Variants in DCLK1 observed in about 807,000 individuals in gnomAD.
The protein encoded by DCLK1 is doublecortin like kinase 1, also known as serine/threonine-protein kinase DCLK1.
DCLK1 carries 16 observed loss-of-function variants against 86.2 expected under a neutral mutation model. That is an observed-to-expected ratio of 0.19 (90% CI 0.13 to 0.28). The LOEUF is 0.28. Ranked by LOEUF, DCLK1 falls within the 10% of genes least tolerant of loss-of-function variation. The probability of loss-of-function intolerance (pLI) is 1.00; values close to 1 mark genes in which losing one functional copy is unlikely to be tolerated. For synonymous variants in DCLK1, 369 were observed against 370.5 expected (o/e 1.00, Z 0.05); for missense variants, 590 against 940.2 (o/e 0.63, Z 4.87).
intron 4 of DCLK1, among the ~76,000 whole-genome samples, chr13:35,917,271 G>A (rs1406103837): frequency 1.3e-5 from 2 of 152,148 alleles, no homozygotes; most frequent in Non-Finnish European, 2.9e-5. Context: ...CTTGTTATAG[G>A]GGCCTCAGCC....
intron 4 of DCLK1, among the ~76,000 whole-genome samples, chr13:35,897,190 A>C (rs914888154): frequency 1.3e-5 from 2 of 152,178 alleles, no homozygotes; most frequent in Admixed American, 1.3e-4. Context: ...AAGGGTGGTA[A>C]GGAGGCTCCT....
intron 4 of DCLK1, among the ~76,000 whole-genome samples, chr13:35,881,081 G>A (rs1212079439): frequency 6.6e-6 from 1 of 152,112 alleles, no homozygotes; most frequent in East Asian, 1.9e-4. Context: ...TCTGGCTCAC[G>A]ACCTGCAGCA....
intron 4 of DCLK1, among the ~76,000 whole-genome samples, chr13:35,940,977 C>T (rs79214738): frequency 0.013 from 1,920 of 152,164 alleles, 24 homozygotes; most frequent in Non-Finnish European, 0.019. Flanking sequence ...AACACAGTTT[C>T]GAATGTGCTT....
At chr13:35,816,451 C>T (rs145345461) in intron 11 of DCLK1, among the ~76,000 whole-genome samples, 2,772 of 152,198 alleles carry the variant, frequency 0.018, 38 homozygotes, top group Non-Finnish European at 0.026. Flanking sequence ...CCATATGGCA[C>T]CATATTAGTA....
intron 3 of DCLK1, among the ~76,000 whole-genome samples, chr13:36,068,408 A>C (rs1372714853): frequency 1.3e-5 from 2 of 152,220 alleles, no homozygotes; most frequent in Non-Finnish European, 2.9e-5. Flanking sequence ...TATTCAGTGA[A>C]TATAATCCTC....
rs551860497 is a variant in DCLK1 at position 35,947,161 on chromosome 13, C to T, written c.823+197G>A. 2.6e-5 allele frequency among the ~76,000 whole-genome samples: 4 copies of T among 152,142 alleles called. No individual in the cohort carries two copies. The East Asian group carries it at 7.7e-4, about 29-fold the overall frequency. ...TTACTTATTCTTCTAAATGATTTAA[C>T]TTTTCCAATTCTCATTTCATCTGTT... is the stretch of plus-strand genomic sequence containing the variant. On this transcript the variant is annotated intron_variant, in intron 4 of 16. Transcript: ENST00000360631.
chr13:35,919,853 C>G (rs963315593), intron 4 of DCLK1, among the ~76,000 whole-genome samples: 8 of 133,294 alleles, frequency 6.0e-5, no homozygotes, highest in African/African-American at 1.1e-4. Flanking sequence ...TTCTTTAGAC[C>G]TCATCTTCTT....
intron 3 of DCLK1, among the ~76,000 whole-genome samples, chr13:35,951,590 G>C (rs1485088513): frequency 6.6e-6 from 1 of 151,548 alleles, no homozygotes; most frequent in African/African-American, 2.4e-5. Flanking sequence ...CGTGTTTACT[G>C]AGTGCCCATT....
At chr13:35,924,628 T>G (rs1876006763) in intron 4 of DCLK1, among the ~76,000 whole-genome samples, 1 of 152,110 alleles carries the variant, frequency 6.6e-6, no homozygotes, top group African/African-American at 2.4e-5. Context: ...CCAGCCTGGG[T>G]GACAGAGCAA....
intron 11 of DCLK1, among the ~76,000 whole-genome samples, chr13:35,814,273 G>GCA (rs928703357): frequency 2.6e-5 from 4 of 151,800 alleles, no homozygotes; most frequent in African/African-American, 9.7e-5. Flanking sequence ...GCGCACACAC[G>GCA]CACACACACA....
At chr13:36,116,312 T>C (rs564889670) in intron 2 of DCLK1, among the ~76,000 whole-genome samples, 3 of 152,318 alleles carry the variant, frequency 2.0e-5, no homozygotes, top group African/African-American at 7.2e-5. Flanking sequence ...TTTCCTCTAA[T>C]AAGATTTATT....
intron 6 of DCLK1, chr13:35,845,996 G>T: frequency 1.0e-6 from 1 of 985,294 alleles, no homozygotes; most frequent in Non-Finnish European, 1.2e-6. Flanking sequence ...GAAACACAAG[G>T]TACAACATTT....
intron 9 of DCLK1, 29 bp downstream of exon 9, chr13:35,828,219 CTT>C: frequency 6.3e-7 from 1 of 1,578,030 alleles, no homozygotes. Context: ...CTTGAACACT[CTT>C]ATCTCATAAG....
At chr13:35,821,950 C>T (rs1004655327) in intron 11 of DCLK1, among the ~76,000 whole-genome samples, 27 of 151,764 alleles carry the variant, frequency 1.8e-4, no homozygotes, top group African/African-American at 5.1e-4. Context: ...AGGATGTCTC[C>T]GTTTTTAAAA....
At chr13:35,849,828 G>A (rs996782631) in intron 6 of DCLK1, 1 of 984,096 alleles carries the variant, frequency 1.0e-6, no homozygotes, top group Non-Finnish European at 1.2e-6. Context: ...TGGATTTCTT[G>A]GAAAAAGTCC....
rs147576553 is a variant in DCLK1, at chr13:35,894,953, C to T, written c.824-23613G>A. ...CAAGTAGACTTTGATGCACACTTTC[C>T]TTTTTCTTTTTGAGACAGGGTCTAG... On this transcript the variant is annotated intron_variant, in intron 4 of 16. Coordinates refer to ENST00000360631, the MANE Select transcript of DCLK1 (RefSeq NM_001330071.2). 3.3e-5 allele frequency among the ~76,000 whole-genome samples: 5 copies of T among 152,234 alleles called. 1 individual carries two copies. In the East Asian group the frequency reaches 9.7e-4, roughly 29 times the overall value.
chr13:35,914,997 A>T (rs371567750), intron 4 of DCLK1, among the ~76,000 whole-genome samples: 1 of 152,328 alleles, frequency 6.6e-6, no homozygotes, highest in East Asian at 1.9e-4. Flanking sequence ...GGGGCAAATA[A>T]ATACTGAAAA....
chr13:36,030,367 G>C (rs760378477), intron 3 of DCLK1, among the ~76,000 whole-genome samples: 14 of 151,932 alleles, frequency 9.2e-5, no homozygotes, highest in Admixed American at 2.6e-4. Context: ...CACGATCTTG[G>C]CTCACTGCAG....
intron 3 of DCLK1, among the ~76,000 whole-genome samples, chr13:36,044,759 TAAC>T (rs1566658251): frequency 1.3e-5 from 2 of 152,016 alleles, no homozygotes; most frequent in African/African-American, 2.4e-5. Context: ...TTGAGAAAGA[TAAC>T]AAGTTTTTAT....
Sources: allele counts gnomAD v4.1 joint callset (sites outside exome capture counted in the v4.1 genomes callset), GRCh38; gene constraint gnomAD v4.1.1; transcripts MANE v1.5; gene names NCBI Gene and HGNC (gene_info 2026-07-23, HGNC 2026-07-21).